The following ZNF423 variants were observed in gnomAD, a reference collection of about 807,000 sequenced individuals.
The protein encoded by ZNF423 is Ebf-associated zinc finger protein.
ZNF423 carries 12 observed loss-of-function variants against 95.8 expected under a neutral mutation model. The observed-to-expected ratio is 0.13, with a 90% CI of 0.08 to 0.20. The LOEUF is 0.20. Ranked by LOEUF, ZNF423 falls within the 10% of genes least tolerant of loss-of-function variation. The pLI is 1.00. For synonymous variants in ZNF423, 749 were observed against 711.9 expected, an observed-to-expected ratio of 1.05 and a Z score of -0.83; for missense variants, 1,316 against 1,737.1, an observed-to-expected ratio of 0.76 and a Z score of 4.31.
intron 1 of ZNF423, among the ~76,000 whole-genome samples, chr16:49,794,363 C>T (rs1218484593): frequency 1.3e-5 from 2 of 151,890 alleles, no homozygotes; most frequent in Non-Finnish European, 2.9e-5. Context: ...GCCACTGCAC[C>T]TAGCCCACTT....
intron 1 of ZNF423, among the ~76,000 whole-genome samples, chr16:49,828,767 G>A (rs1050080515): frequency 7.9e-5 from 12 of 152,172 alleles, no homozygotes; most frequent in African/African-American, 2.2e-4. Flanking sequence ...CCACGCACAC[G>A]CAGAAAGGCC....
intron 7 of ZNF423, among the ~76,000 whole-genome samples, chr16:49,496,226 C>T (rs1967160702): frequency 2.0e-5 from 3 of 152,182 alleles, no homozygotes; most frequent in Admixed American, 1.3e-4. Flanking sequence ...CTGTGACCTC[C>T]GGGTTTTGGG....
chr16:49,802,486 GC>G (rs1390761604), intron 1 of ZNF423, among the ~76,000 whole-genome samples: 4 of 152,186 alleles, frequency 2.6e-5, no homozygotes, highest in African/African-American at 9.6e-5. Flanking sequence ...CAGTGTAAAT[GC>G]CCCCACTGCA....
At chr16:49,620,216 CACAT>C (rs1341776868) in intron 5 of ZNF423, among the ~76,000 whole-genome samples, 1 of 140,080 alleles carries the variant, frequency 7.1e-6, no homozygotes, top group Non-Finnish European at 1.6e-5. Flanking sequence ...CACAGACACA[CACAT>C]ACACATACAC....
intron 7 of ZNF423, among the ~76,000 whole-genome samples, chr16:49,505,341 CTT>C (rs1038448780): frequency 2.6e-5 from 4 of 152,208 alleles, no homozygotes; most frequent in African/African-American, 9.7e-5. Context: ...TATAAGGAAA[CTT>C]TGATCGTGTC....
chr16:49,600,663 G>A (rs531570473), intron 5 of ZNF423, among the ~76,000 whole-genome samples: 2 of 152,270 alleles, frequency 1.3e-5, no homozygotes, highest in South Asian at 4.2e-4. Context: ...GGAGCAGGAA[G>A]GAGCCGGCCG....
At chr16:49,561,392 T>C (rs999256621) in intron 5 of ZNF423, among the ~76,000 whole-genome samples, 1 of 152,196 alleles carries the variant, frequency 6.6e-6, no homozygotes, top group African/African-American at 2.4e-5. Flanking sequence ...CATATATAGA[T>C]ATATACACAT....
chr16:49,569,179 A>G (rs1204387899), intron 5 of ZNF423, among the ~76,000 whole-genome samples: 3 of 152,146 alleles, frequency 2.0e-5, no homozygotes, highest in Non-Finnish European at 4.4e-5. Context: ...TCCCTCCTGG[A>G]TGACAAAATC....
At chr16:49,598,953 T>C (rs1018282110) in intron 5 of ZNF423, among the ~76,000 whole-genome samples, 11 of 152,328 alleles carry the variant, frequency 7.2e-5, no homozygotes, top group African/African-American at 2.4e-4. Flanking sequence ...CACCTGAAAG[T>C]GGGGTGACTA....
chr16:49,505,992 A>G (rs1183204582), intron 7 of ZNF423, among the ~76,000 whole-genome samples: 1 of 152,232 alleles, frequency 6.6e-6, no homozygotes, highest in Non-Finnish European at 1.5e-5. Flanking sequence ...AATGCAAACC[A>G]AGAATTATCT....
chr16:49,635,884 C>A lies in ZNF423; in HGVS notation c.3292G>T (p.Gly1098Cys). The part of the protein sequence containing the change: ...VKLDVNGLPY[G>C]LCAGCMARSA... ...CGGGCCATGCAGCCGGCGCAGAGGC[C>A]GTAGGGCAGCCCATTGACGTCAAGC... Residue 1098 changes from glycine (G) to cysteine (C), a missense_variant, in exon 4 of 8, where the codon GGC (glycine) becomes TGC (cysteine). Transcript: ENST00000563137. The surrounding 1 kb of genome is among the most constrained non-coding windows in gnomAD (Gnocchi z 4.8). 1 of 1,583,356 alleles carries A rather than the reference C, an allele frequency of 6.3e-7. No individual in the cohort carries two copies. The highest frequency in any genetic ancestry group is 1.8e-5 in the Admixed American group (1 of 56,090).
At chr16:49,729,366 A>G (rs2033104654) in intron 3 of ZNF423, among the ~76,000 whole-genome samples, 1 of 152,210 alleles carries the variant, frequency 6.6e-6, no homozygotes. Context: ...ATGAGGGTCA[A>G]TAGCTCAGTG....
chr16:49,522,776 C>T (rs1968455080), intron 7 of ZNF423, among the ~76,000 whole-genome samples: 1 of 152,096 alleles, frequency 6.6e-6, no homozygotes, highest in Non-Finnish European at 1.5e-5. Context: ...TGTGCGTGCA[C>T]CTTCCCTTTG....
At chr16:49,724,748 G>A (rs1367842891) in intron 3 of ZNF423, among the ~76,000 whole-genome samples, 1 of 152,152 alleles carries the variant, frequency 6.6e-6, no homozygotes, top group African/African-American at 2.4e-5. Flanking sequence ...CCGGCTTGTT[G>A]CACAGCAGCA....
chr16:49,821,112 A>T (rs1171245132), intron 1 of ZNF423, among the ~76,000 whole-genome samples: 1 of 152,174 alleles, frequency 6.6e-6, no homozygotes, highest in African/African-American at 2.4e-5. Flanking sequence ...CCACTTTTGG[A>T]GATTTTATAG....
intron 2 of ZNF423, among the ~76,000 whole-genome samples, chr16:49,746,727 C>A (rs2033532437): frequency 6.6e-6 from 1 of 152,172 alleles, no homozygotes; most frequent in Non-Finnish European, 1.5e-5. Flanking sequence ...CCACTTCGAC[C>A]TCCCAAAGTG....
chr16:49,636,521 A>T lies in ZNF423; in HGVS notation c.2655T>A (p.Asp885Glu). 6.2e-7 allele frequency: 1 copy of T among 1,613,834 alleles called. No homozygotes were observed. The highest frequency in any genetic ancestry group is 8.5e-7 in the Non-Finnish European group (1 of 1,180,036). ...ACATGGGCTCCGACGCGTCCACGTC[A>T]TCCTCGCTGGCCTCATGGCTGTTAG... ...EAPNSHEASE[D>E]DVDASEPMYG... Residue 885 changes from aspartate (D) to glutamate (E), a missense_variant, in exon 4 of 8, where the codon GAT becomes GAA. Physicochemically the swap from Asp to Glu is conservative, Grantham distance 45. This residue lies in a region of ZNF423 where 620 missense variants were observed against 775.6 expected (regional missense o/e 0.80). Transcript: ENST00000563137. This position sits in a 1 kb window ranked among gnomAD's most constrained non-coding sequence, Gnocchi z 8.6.
At chr16:49,534,675 T>G (rs569426918) in intron 5 of ZNF423, among the ~76,000 whole-genome samples, 9 of 152,212 alleles carry the variant, frequency 5.9e-5, no homozygotes, top group African/African-American at 1.9e-4. Flanking sequence ...TTTCAGGGCA[T>G]ATGGCCAGCC....
intron 5 of ZNF423, among the ~76,000 whole-genome samples, chr16:49,532,510 A>G (rs1968887218): frequency 1.3e-5 from 2 of 152,154 alleles, no homozygotes; most frequent in Admixed American, 1.3e-4. Flanking sequence ...GTGTTTCACA[A>G]AGGCTTCTAA....
Sources: gnomAD v4.1 joint callset for allele counts (sites outside exome capture counted in the v4.1 genomes callset) on GRCh38, gnomAD v4.1.1 for gene constraint, gnomAD v4.1.1 regional missense constraint, Gnocchi (gnomAD v3.1) non-coding constraint, MANE v1.5 for transcripts, NCBI Gene and HGNC (gene_info 2026-07-23, HGNC 2026-07-21) for gene names.